TEX11: variants seen among roughly 807,000 people sequenced by gnomAD.
TEX11 encodes the protein testis expressed 11, also known as testis-expressed protein 11.
Under a neutral mutation model 84.4 loss-of-function variants are expected in TEX11, and 7 were observed. The ratio of observed to expected loss-of-function variants is 0.08; its 90% CI spans 0.05 to 0.16. TEX11 has a LOEUF of 0.16. Among genes scored for constraint, TEX11 ranks in the 10% least tolerant of loss-of-function variants. TEX11 has a pLI of 1.00. For missense variants in TEX11, 551 were observed against 660.5 expected (o/e 0.83, Z 1.82); for synonymous variants, 264 against 222.8 (o/e 1.18, Z -1.64).
In TEX11 at chrX:70,682,676, A is replaced by G. The variant is rs1433539772; in HGVS notation, c.1154T>C (p.Leu385Ser). Reference protein sequence around the residue: ...LAKEKIEEIFLAHQTGRQLTA... With the variant: ...LAKEKIEEIFSAHQTGRQLTA... ...ACACTTGCGAAAATCCTACTGACCTAAAAAGATTTCTTCAATCTTCTCCTT... is the reference window on the plus strand; with the variant it reads ...ACACTTGCGAAAATCCTACTGACCTGAAAAGATTTCTTCAATCTTCTCCTT... Residue 385 changes from leucine to serine, a missense_variant and splice_region_variant, in exon 14 of 30, where the codon TTA becomes TCA. Leu to Ser is a moderately radical substitution (Grantham distance 145). Coordinates refer to ENST00000374333, the MANE Select transcript of TEX11 (RefSeq NM_031276.3). 3.3e-6 allele frequency: 4 copies of G among 1,208,932 alleles called. No homozygotes were observed. Among genetic ancestry groups the G allele is most frequent in the Non-Finnish European group, 4.5e-6 (4 of 894,261 alleles).
chrX:70,704,524 T>G (rs912580649), intron 13 of TEX11, among the ~76,000 whole-genome samples: 2 of 111,579 alleles, frequency 1.8e-5, no homozygotes, highest in Admixed American at 9.5e-5. Flanking sequence ...TCATTATTCT[T>G]TTTCTCAATC....
intron 15 of TEX11, 36 bp downstream of exon 15, chrX:70,678,768 G>C: frequency 8.9e-7 from 1 of 1,123,401 alleles, no homozygotes; most frequent in Non-Finnish European, 1.2e-6. Context: ...TGTTGCAGTG[G>C]AGAAATAAAG....
chrX:70,589,578 C>T (rs2088900486), intron 25 of TEX11, among the ~76,000 whole-genome samples: 1 of 111,441 alleles, frequency 9.0e-6, no homozygotes, highest in Non-Finnish European at 1.9e-5. Flanking sequence ...GGCTGGAGTG[C>T]AGTGGACAAT....
At chrX:70,571,347 A>G (rs942255847) in intron 25 of TEX11, among the ~76,000 whole-genome samples, 1 of 111,172 alleles carries the variant, frequency 9.0e-6, no homozygotes, top group Non-Finnish European at 1.9e-5. Context: ...GTTATTTTTC[A>G]TTTCTTTGTT....
At chrX:70,749,788 G>T (rs1242388788) in intron 9 of TEX11, among the ~76,000 whole-genome samples, 3 of 108,068 alleles carry the variant, frequency 2.8e-5, no homozygotes, top group South Asian at 8.4e-4. Flanking sequence ...GATCATGGTG[G>T]ATAAGCTTTT....
At chrX:70,587,034 G>A (rs1200189689) in intron 25 of TEX11, among the ~76,000 whole-genome samples, 4 of 112,278 alleles carry the variant, frequency 3.6e-5, no homozygotes, top group Non-Finnish European at 7.5e-5. Context: ...TTAGCAAAGA[G>A]ACTGGTGGCA....
chrX:70,516,455 T>G, the TEX11 span, among the ~76,000 whole-genome samples: 5 of 111,541 alleles, frequency 4.5e-5, no homozygotes, highest in Admixed American at 4.8e-4. Flanking sequence ...ATTTCTGAGG[T>G]CTCTGTTCTA....
At chrX:70,524,793 G>A (rs1005195336), downstream of TEX11, among the ~76,000 whole-genome samples, 24 of 111,769 alleles carry the variant, frequency 2.1e-4, no homozygotes, top group South Asian at 4.9e-3. Context: ...CTCAAACTCC[G>A]ACCTCAGGGG....
chrX:70,786,024 G>A (rs1469744339), intron 9 of TEX11, among the ~76,000 whole-genome samples: 1 of 111,929 alleles, frequency 8.9e-6, no homozygotes, highest in Non-Finnish European at 1.9e-5. Flanking sequence ...GCACACATAT[G>A]TTTATTGTGG....
intron 9 of TEX11, among the ~76,000 whole-genome samples, chrX:70,766,783 T>C (rs752799778): frequency 3.3e-4 from 37 of 111,232 alleles, no homozygotes; most frequent in Non-Finnish European, 4.7e-4. Flanking sequence ...AACAGACACA[T>C]AGACCAATGG....
rs1036477470 is a variant in TEX11 at position 70,640,242 on chromosome X, A to G, written c.1484-10507T>C. ...GAAAAAAGAATAAAAAGAAATGAGC[A>G]AAGCCTCCAAGAAATATGGGACTAT... On this transcript the variant is annotated intron_variant, in intron 17 of 29. Coordinates refer to ENST00000374333, the MANE Select transcript of TEX11 (RefSeq NM_031276.3). Among the ~76,000 whole-genome samples, 203 of 108,422 alleles carry G rather than the reference A, an allele frequency of 1.9e-3. 1 individual carries two copies. Among genetic ancestry groups the G allele is most frequent in the Non-Finnish European group, 3.3e-3 (171 of 52,018 alleles). 94.2% of individuals were successfully genotyped at this position (108,422 alleles called of 115,157 possible).
At chrX:70,861,390 C>T (rs2091568989) in intron 4 of TEX11, among the ~76,000 whole-genome samples, 1 of 110,370 alleles carries the variant, frequency 9.1e-6, no homozygotes, top group Non-Finnish European at 1.9e-5. Context: ...AATCAATTTT[C>T]AAAAGTAAAT....
At chrX:70,850,998 A>G (rs1225856325) in intron 7 of TEX11, among the ~76,000 whole-genome samples, 2 of 112,525 alleles carry the variant, frequency 1.8e-5, no homozygotes, top group African/African-American at 6.5e-5. Flanking sequence ...AGAACACAAT[A>G]TTCTTATGAT....
chrX:70,756,836 T>A (rs947695704), intron 9 of TEX11, among the ~76,000 whole-genome samples: 1 of 112,037 alleles, frequency 8.9e-6, no homozygotes, highest in East Asian at 2.8e-4. Flanking sequence ...TAAAGGAGCA[T>A]GTTCTAACCC....
Position 70,642,656 on chromosome X carries a change from C to G in TEX11, c.1483+8794G>C, listed in dbSNP as rs1463525134. 4.4e-5 allele frequency among the ~76,000 whole-genome samples: 4 copies of G among 90,876 alleles called. No individual in the cohort carries two copies. In the Admixed American group the frequency reaches 5.2e-4, roughly 12 times the overall value. The allele number at this position is 90,876 out of a possible 115,157, so 78.9% of individuals were successfully genotyped here. A position where few individuals can be genotyped will look rare whatever the true frequency, so the allele number is the denominator to read the frequency against. On this transcript the variant is annotated intron_variant, in intron 17 of 29. Coordinates refer to ENST00000374333, the MANE Select transcript of TEX11 (RefSeq NM_031276.3). ...ATGTAATCCAGCATATAAACAGAGC[C>G]AAAGACAAAAACCACATGATTATCT...
intron 17 of TEX11, among the ~76,000 whole-genome samples, chrX:70,629,954 C>T (rs1307370172): frequency 1.8e-5 from 2 of 112,018 alleles, no homozygotes; most frequent in Non-Finnish European, 3.8e-5. Flanking sequence ...GTGAATTTAT[C>T]TTACGGATAT....
chrX:70,810,568 T>A (rs1005453041), intron 8 of TEX11, among the ~76,000 whole-genome samples: 19 of 111,171 alleles, frequency 1.7e-4, no homozygotes, highest in African/African-American at 5.9e-4. Flanking sequence ...CCGCATGTTC[T>A]CACTCATAAG....
intron 9 of TEX11, among the ~76,000 whole-genome samples, chrX:70,788,684 A>AC (rs2091094289): frequency 1.5e-5 from 1 of 67,644 alleles, no homozygotes; most frequent in African/African-American, 5.2e-5. Flanking sequence ...ATCTCTTGGG[A>AC]AACACACACA....
At chrX:70,894,835 C>T (rs578247494) in intron 2 of TEX11, among the ~76,000 whole-genome samples, 1 of 111,329 alleles carries the variant, frequency 9.0e-6, no homozygotes, top group African/African-American at 3.3e-5. Context: ...ATTCAACAGC[C>T]CTTCATGCTA....
Sources: allele counts gnomAD v4.1 joint callset (sites outside exome capture counted in the v4.1 genomes callset), GRCh38; gene constraint gnomAD v4.1.1; transcripts MANE v1.5; gene names NCBI Gene and HGNC (gene_info 2026-07-23, HGNC 2026-07-21).